Variants in PNPLA8 observed in about 807,000 individuals in gnomAD.
The protein encoded by PNPLA8 is patatin like domain 8, phospholipase A2.
PNPLA8 carries 39 observed loss-of-function variants against 76.9 expected under a neutral mutation model. The ratio of observed to expected loss-of-function variants is 0.51; its 90% CI spans 0.39 to 0.66. The LOEUF (loss-of-function observed/expected upper bound fraction) is 0.66, where lower values mean the gene tolerates loss of function less well. PNPLA8 is among the 30% of genes least tolerant of loss of function. The pLI is 0.00. For synonymous variants in PNPLA8, 301 were observed against 307.9 expected, an observed-to-expected ratio of 0.98 and a Z score of 0.24; for missense variants, 887 against 918.0, an observed-to-expected ratio of 0.97 and a Z score of 0.44.
chr7:108,484,723 C>T (rs1860624415), intron 9 of PNPLA8, among the ~76,000 whole-genome samples: 2 of 152,272 alleles, frequency 1.3e-5, no homozygotes, highest in South Asian at 4.1e-4. Flanking sequence ...TAATCCTGTA[C>T]ATATATTGAT....
intron 5 of PNPLA8, among the ~76,000 whole-genome samples, chr7:108,500,628 A>G (rs1563960715): frequency 6.6e-6 from 1 of 152,116 alleles, no homozygotes; most frequent in South Asian, 2.1e-4. Context: ...AAAGTTACTG[A>G]TATTGGCATG....
chr7:108,520,009 C>A (rs1056582463), intron 2 of PNPLA8, among the ~76,000 whole-genome samples: 1 of 152,098 alleles, frequency 6.6e-6, no homozygotes. Context: ...TATTGCCGCT[C>A]GAGAGAATTA....
intron 1 of PNPLA8, among the ~76,000 whole-genome samples, chr7:108,525,075 T>C (rs996005238): frequency 2.0e-5 from 3 of 151,954 alleles, no homozygotes; most frequent in African/African-American, 7.2e-5. Flanking sequence ...AGTCCTGATA[T>C]AGAAATAAAA....
intron 1 of PNPLA8, among the ~76,000 whole-genome samples, chr7:108,523,079 A>G (rs1187521032): frequency 6.6e-6 from 1 of 152,240 alleles, no homozygotes; most frequent in Non-Finnish European, 1.5e-5. Flanking sequence ...CTGAAAAAAG[A>G]GCAAGGAAGA....
chr7:108,527,384 A>C (rs561626038), upstream of PNPLA8, among the ~76,000 whole-genome samples: 10 of 152,218 alleles, frequency 6.6e-5, no homozygotes, highest in Non-Finnish European at 1.3e-4. Context: ...GATAAGCCAG[A>C]CATGTTATTT....
At chr7:108,491,016 C>A (rs534145918) in intron 8 of PNPLA8, among the ~76,000 whole-genome samples, 4 of 152,118 alleles carry the variant, frequency 2.6e-5, no homozygotes, top group African/African-American at 9.6e-5. Flanking sequence ...AATAAAAGGG[C>A]CCTCAGGGCC....
chr7:108,490,210 A>G (rs1366196417), intron 8 of PNPLA8, among the ~76,000 whole-genome samples: 4 of 152,210 alleles, frequency 2.6e-5, no homozygotes, highest in Non-Finnish European at 5.9e-5. Context: ...CCTAGGAACT[A>G]TAGGCTATAC....
intron 10 of PNPLA8, among the ~76,000 whole-genome samples, chr7:108,478,666 ACTG>A (rs1860169654): frequency 6.6e-6 from 1 of 152,208 alleles, no homozygotes; most frequent in Non-Finnish European, 1.5e-5. Flanking sequence ...TGCTGGGATT[ACTG>A]GTATGAGCCA....
chr7:108,518,894 T>C (rs544131569), intron 2 of PNPLA8, among the ~76,000 whole-genome samples: 83 of 151,830 alleles, frequency 5.5e-4, no homozygotes, highest in Non-Finnish European at 1.1e-3. Context: ...TCTTATGAAC[T>C]AAGGCATGGG....
At chr7:108,498,145 C>CA (rs1299584974) in intron 5 of PNPLA8, among the ~76,000 whole-genome samples, 11 of 126,168 alleles carry the variant, frequency 8.7e-5, no homozygotes, top group South Asian at 5.4e-4. Context: ...AAAAAAAAAA[C>CA]AAAAAAAACT....
intron 1 of PNPLA8, among the ~76,000 whole-genome samples, 151 bp from the exon 2 acceptor site, chr7:108,521,672 T>C (rs555838863): frequency 6.6e-6 from 1 of 152,072 alleles, no homozygotes; most frequent in Non-Finnish European, 1.5e-5. Flanking sequence ...AGTGGAAACC[T>C]GAATGAAGGG....
At chr7:108,524,190 A>G (rs1483229103) in intron 1 of PNPLA8, among the ~76,000 whole-genome samples, 4 of 152,238 alleles carry the variant, frequency 2.6e-5, no homozygotes, top group Non-Finnish European at 5.9e-5. Context: ...ATACATGACT[A>G]TTTTGGGATC....
chr7:108,479,620 T>A (rs560758491), intron 9 of PNPLA8: 1 of 540,638 alleles, frequency 1.8e-6, no homozygotes, highest in South Asian at 2.0e-5. Flanking sequence ...CTTTGCATAT[T>A]TTGCTAAAAA....
intron 10 of PNPLA8, among the ~76,000 whole-genome samples, chr7:108,476,084 A>T (rs1317500259): frequency 6.6e-6 from 1 of 152,216 alleles, no homozygotes; most frequent in Non-Finnish European, 1.5e-5. Flanking sequence ...ACAATCATTT[A>T]CCATTTATTT....
chr7:108,502,444 A>C (rs868355956), intron 5 of PNPLA8, 47 bp downstream of exon 5: 13 of 408,934 alleles, frequency 3.2e-5, no homozygotes, highest in Non-Finnish European at 3.9e-5. Flanking sequence ...CTCCATCTCA[A>C]AAAAAAAAAA....
intron 7 of PNPLA8, chr7:108,496,383 A>AC (rs1460903221): frequency 2.5e-6 from 1 of 399,638 alleles, no homozygotes; most frequent in South Asian, 5.7e-5. Flanking sequence ...ACACACACAA[A>AC]CCCCCCAAAA....
At chr7:108,496,493 G>A in intron 7 of PNPLA8, 91 bp downstream of exon 7, 1 of 721,866 alleles carries the variant, frequency 1.4e-6, no homozygotes. Context: ...TAATATGCAA[G>A]AATATAATTT....
At chr7:108,501,734 G>GCT (rs1861961550) in intron 5 of PNPLA8, among the ~76,000 whole-genome samples, 1 of 152,146 alleles carries the variant, frequency 6.6e-6, no homozygotes, top group Non-Finnish European at 1.5e-5. Flanking sequence ...TGAGACAGGA[G>GCT]AATCGCTTGA....
In PNPLA8 at chr7:108,496,662, T is replaced by C. The variant is rs746978363; in HGVS notation, c.1547A>G (p.Gln516Arg). ...TTTTACTGTTCCAACAATGACATTT[T>C]GTGAAAATACATCTGATCCTAATTT... is the stretch of plus-strand genomic sequence containing the variant. Reference protein sequence around the residue: ...YRKLGSDVFSQNVIVGTVKMS... With the variant: ...YRKLGSDVFSRNVIVGTVKMS... Residue 516 changes from glutamine (Q) to arginine (R), a missense_variant, in exon 7 of 11, where the codon CAA becomes CGA. Physicochemically the swap from Gln to Arg is conservative, Grantham distance 43 (BLOSUM62 1). Transcript: ENST00000257694. 1 of 1,612,902 alleles carries C rather than the reference T, an allele frequency of 6.2e-7. No homozygotes were observed. Among genetic ancestry groups the C allele is most frequent in the Non-Finnish European group, 8.5e-7 (1 of 1,179,270 alleles).
Sources: allele counts gnomAD v4.1 joint callset (sites outside exome capture counted in the v4.1 genomes callset), GRCh38; gene constraint gnomAD v4.1.1; transcripts MANE v1.5; gene names NCBI Gene and HGNC (gene_info 2026-07-23, HGNC 2026-07-21).